Variants in PRR16 observed in about 807,000 individuals in gnomAD.
PRR16 encodes proline rich 16.
Under a neutral mutation model 18.2 loss-of-function variants are expected in PRR16, and 6 were observed. That is an observed-to-expected ratio of 0.33 (90% CI 0.18 to 0.65). The LOEUF (loss-of-function observed/expected upper bound fraction) is 0.65, where lower values mean the gene tolerates loss of function less well. Ranked by LOEUF, PRR16 falls within the 30% of genes least tolerant of loss-of-function variation. The pLI is 0.74. For synonymous variants in PRR16, 151 were observed against 147.8 expected, an observed-to-expected ratio of 1.02 and a Z score of -0.16; for missense variants, 412 against 376.6, an observed-to-expected ratio of 1.09 and a Z score of -0.78.
At chr5:120,548,725 G>T (rs2174236) in intron 1 of PRR16, among the ~76,000 whole-genome samples, 69,957 of 142,336 alleles carry the variant, frequency 0.49, 16,506 homozygotes, top group Middle Eastern at 0.58. Flanking sequence ...TTCATGGATT[G>T]ATTGTAATGT....
At chr5:120,757,800 T>C in the PRR16 span, among the ~76,000 whole-genome samples, 2 of 150,818 alleles carry the variant, frequency 1.3e-5, no homozygotes, top group Non-Finnish European at 3.0e-5. Flanking sequence ...TTTGAGAAAT[T>C]GTAGTGACTG....
At chr5:120,570,519 A>G (rs1752873156) in intron 1 of PRR16, among the ~76,000 whole-genome samples, 1 of 152,182 alleles carries the variant, frequency 6.6e-6, no homozygotes, top group African/African-American at 2.4e-5. Flanking sequence ...TAGATAAAAC[A>G]TTACATGCAA....
At chr5:120,667,504 A>G (rs1756432324) in intron 1 of PRR16, among the ~76,000 whole-genome samples, 2 of 151,274 alleles carry the variant, frequency 1.3e-5, no homozygotes, top group South Asian at 4.2e-4. Flanking sequence ...TAGCTTTTGA[A>G]TGTGTTTGCT....
chr5:120,465,458 C>G lies in PRR16; in HGVS notation c.159+813C>G, dbSNP rs574910364. 2.8e-4 allele frequency among the ~76,000 whole-genome samples: 43 copies of G among 152,352 alleles called. 1 individual carries two copies. In the South Asian group the frequency reaches 4.1e-3, roughly 15 times the overall value. On this transcript the variant is annotated intron_variant, in intron 1 of 1. Coordinates refer to ENST00000407149, the MANE Select transcript of PRR16 (RefSeq NM_001300783.2). ...AGCTGGGACTGCTTCGGTTCTTCCCCGCTTTTCCTATCCCACTTCGGTTCA... is the reference window on the plus strand; with the variant it reads ...AGCTGGGACTGCTTCGGTTCTTCCCGGCTTTTCCTATCCCACTTCGGTTCA...
chr5:120,760,607 C>T, the PRR16 span, among the ~76,000 whole-genome samples: 16 of 150,926 alleles, frequency 1.1e-4, no homozygotes, highest in African/African-American at 3.9e-4. Context: ...AAAGCCAAAG[C>T]ATGTTGCTTA....
the PRR16 span, among the ~76,000 whole-genome samples, chr5:120,734,485 T>C: frequency 6.6e-6 from 1 of 152,322 alleles, no homozygotes; most frequent in South Asian, 2.1e-4. Context: ...TGTTATTTAG[T>C]TTTTATTTTG....
chr5:120,711,410 A>C, the PRR16 span, among the ~76,000 whole-genome samples: 2 of 152,186 alleles, frequency 1.3e-5, no homozygotes, highest in Non-Finnish European at 2.9e-5. Flanking sequence ...TGGTTGGATG[A>C]AGACTGAATA....
chr5:120,491,574 T>C (rs1263249646), intron 1 of PRR16, among the ~76,000 whole-genome samples: 1 of 151,910 alleles, frequency 6.6e-6, no homozygotes, highest in Non-Finnish European at 1.5e-5. Context: ...GATGGAGTCT[T>C]GCCCTGTGGC....
intron 1 of PRR16, among the ~76,000 whole-genome samples, chr5:120,579,127 G>A (rs1194390966): frequency 6.6e-6 from 1 of 151,962 alleles, no homozygotes; most frequent in East Asian, 1.9e-4. Context: ...TATTGTTTAA[G>A]TTCCTTGTAA....
intron 1 of PRR16, among the ~76,000 whole-genome samples, chr5:120,511,074 T>A (rs1273835318): frequency 6.6e-6 from 1 of 152,120 alleles, no homozygotes; most frequent in Non-Finnish European, 1.5e-5. Context: ...CAGAAACTAA[T>A]GAATCAAAGC....
chr5:120,481,807 A>G (rs763754035), intron 1 of PRR16, among the ~76,000 whole-genome samples: 6 of 152,156 alleles, frequency 3.9e-5, no homozygotes, highest in Non-Finnish European at 7.4e-5. Context: ...GCCTAGAATA[A>G]TTTTGTTTCA....
chr5:120,688,873 G>C (rs1450197310), downstream of PRR16, among the ~76,000 whole-genome samples: 1 of 152,132 alleles, frequency 6.6e-6, no homozygotes, highest in East Asian at 1.9e-4. Context: ...TAAGGATATT[G>C]AGCCAGACAC....
At chr5:120,756,507 A>T in the PRR16 span, among the ~76,000 whole-genome samples, 2 of 152,058 alleles carry the variant, frequency 1.3e-5, no homozygotes, top group African/African-American at 4.8e-5. Flanking sequence ...ATGAGATGGT[A>T]TCTCACTATG....
the PRR16 span, among the ~76,000 whole-genome samples, chr5:120,765,413 A>T: frequency 1.3e-5 from 2 of 152,030 alleles, no homozygotes; most frequent in African/African-American, 4.8e-5. Context: ...GTTTAGAATA[A>T]ATCAGCTTAA....
intron 1 of PRR16, among the ~76,000 whole-genome samples, chr5:120,511,723 C>T (rs1210380863): frequency 6.6e-6 from 1 of 152,156 alleles, no homozygotes; most frequent in Non-Finnish European, 1.5e-5. Flanking sequence ...ATTTTAGTCT[C>T]ATCCTATAGA....
At chr5:120,752,908 T>C in the PRR16 span, among the ~76,000 whole-genome samples, 2 of 151,914 alleles carry the variant, frequency 1.3e-5, no homozygotes, top group Non-Finnish European at 2.9e-5. Flanking sequence ...GCTGGTGAAA[T>C]AGATCAGACA....
chr5:120,708,549 A>G, the PRR16 span, among the ~76,000 whole-genome samples: 1 of 152,210 alleles, frequency 6.6e-6, no homozygotes, highest in African/African-American at 2.4e-5. Flanking sequence ...CTCAGACAGG[A>G]AAAGCTAAAA....
At chr5:120,748,466 T>C in the PRR16 span, among the ~76,000 whole-genome samples, 1 of 152,102 alleles carries the variant, frequency 6.6e-6, no homozygotes, top group Admixed American at 6.6e-5. Context: ...TTGGGGACTT[T>C]AATAGCTTAA....
At chr5:120,482,727 C>T (rs1306078149) in intron 1 of PRR16, among the ~76,000 whole-genome samples, 1 of 152,082 alleles carries the variant, frequency 6.6e-6, no homozygotes, top group East Asian at 1.9e-4. Flanking sequence ...AGTGACTGAA[C>T]TAATTTATAG....
Sources: gnomAD v4.1 joint callset for allele counts (sites outside exome capture counted in the v4.1 genomes callset) on GRCh38, gnomAD v4.1.1 for gene constraint, MANE v1.5 for transcripts, NCBI Gene and HGNC (gene_info 2026-07-23, HGNC 2026-07-21) for gene names.